Variants in KCNT2 observed in about 807,000 individuals in gnomAD.
The protein encoded by KCNT2 is potassium channel subfamily T member 2.
In KCNT2, 67 loss-of-function variants were observed where a neutral mutation model predicts 153.8. That is an observed-to-expected ratio of 0.44 (90% CI 0.36 to 0.53). The LOEUF (loss-of-function observed/expected upper bound fraction) is 0.53, where lower values mean the gene tolerates loss of function less well. Among genes scored for constraint, KCNT2 ranks in the 20% least tolerant of loss-of-function variants. The pLI is 0.00. For missense variants in KCNT2, 975 were observed against 1,354.8 expected, an observed-to-expected ratio of 0.72 and a Z score of 4.40; for synonymous variants, 500 against 458.8, an observed-to-expected ratio of 1.09 and a Z score of -1.15.
At chr1:196,290,354 T>G (rs1486718788) in intron 22 of KCNT2, among the ~76,000 whole-genome samples, 4 of 152,054 alleles carry the variant, frequency 2.6e-5, no homozygotes, top group Non-Finnish European at 4.4e-5. Context: ...GCTCATTTTC[T>G]CTGATTTGTC....
intron 1 of KCNT2, among the ~76,000 whole-genome samples, chr1:196,520,292 G>GA (rs1653182731): frequency 6.6e-6 from 1 of 151,876 alleles, no homozygotes; most frequent in African/African-American, 2.4e-5. Context: ...ACCAGGTATT[G>GA]AAAAACCATA....
At chr1:196,550,035 C>G (rs1435158314) in intron 1 of KCNT2, among the ~76,000 whole-genome samples, 6 of 151,848 alleles carry the variant, frequency 4.0e-5, no homozygotes. Flanking sequence ...TCTCTGGCCC[C>G]ATATCAGAAT....
At chr1:196,371,968 C>T (rs1362465702) in intron 14 of KCNT2, among the ~76,000 whole-genome samples, 1 of 152,004 alleles carries the variant, frequency 6.6e-6, no homozygotes, top group Non-Finnish European at 1.5e-5. Context: ...TTGATGAGTT[C>T]TATGAATGTT....
chr1:196,314,948 A>T (rs1289381720), intron 21 of KCNT2, among the ~76,000 whole-genome samples: 1 of 151,762 alleles, frequency 6.6e-6, no homozygotes, highest in Non-Finnish European at 1.5e-5. Flanking sequence ...ATATATTGAG[A>T]TGTAGAGAAG....
chr1:196,270,591 T>A (rs1657974155), intron 25 of KCNT2, among the ~76,000 whole-genome samples: 2 of 152,058 alleles, frequency 1.3e-5, no homozygotes, highest in Non-Finnish European at 2.9e-5. Context: ...ATACAGGCAG[T>A]CAAATTGTAT....
At chr1:196,273,729 T>C (rs1054852793) in intron 25 of KCNT2, among the ~76,000 whole-genome samples, 2 of 151,774 alleles carry the variant, frequency 1.3e-5, no homozygotes, top group Admixed American at 1.3e-4. Context: ...GTCTTCCCAT[T>C]GTAATAGTAG....
chr1:196,485,229 C>T (rs774917318), intron 3 of KCNT2, among the ~76,000 whole-genome samples: 60 of 151,826 alleles, frequency 4.0e-4, no homozygotes, highest in Non-Finnish European at 8.0e-4. Context: ...TCTCACTCAT[C>T]GGTAGACATT....
At chr1:196,292,122 G>A (rs116115166) in intron 22 of KCNT2, among the ~76,000 whole-genome samples, 17 of 152,172 alleles carry the variant, frequency 1.1e-4, no homozygotes, top group Non-Finnish European at 2.1e-4. Flanking sequence ...TTACTTTTAC[G>A]AATCAGGCAC....
At chr1:196,572,080 T>G (rs1018223166) in intron 1 of KCNT2, among the ~76,000 whole-genome samples, 38 of 152,128 alleles carry the variant, frequency 2.5e-4, no homozygotes, top group Admixed American at 7.2e-4. Context: ...GAAATGCTCA[T>G]GAGCACATGC....
intron 21 of KCNT2, among the ~76,000 whole-genome samples, chr1:196,312,525 C>T (rs896001116): frequency 1.3e-4 from 19 of 151,712 alleles, no homozygotes; most frequent in Admixed American, 3.3e-4. Flanking sequence ...ATTTACTTTT[C>T]GAAACACTTC....
intron 16 of KCNT2, among the ~76,000 whole-genome samples, chr1:196,336,423 C>A (rs919458497): frequency 6.6e-6 from 1 of 152,096 alleles, no homozygotes; most frequent in Admixed American, 6.6e-5. Flanking sequence ...CTTTTCTAAC[C>A]AAAATACATC....
chr1:196,422,456 A>C (rs1558270718), intron 12 of KCNT2, among the ~76,000 whole-genome samples: 1 of 151,916 alleles, frequency 6.6e-6, no homozygotes, highest in Non-Finnish European at 1.5e-5. Context: ...ATAAAATAAA[A>C]AATTTTAAAT....
intron 1 of KCNT2, among the ~76,000 whole-genome samples, chr1:196,578,203 A>T (rs1661597883): frequency 6.4e-5 from 1 of 15,590 alleles, no homozygotes; most frequent in Admixed American, 2.6e-3. Flanking sequence ...TTAGGAAAAA[A>T]AACAATCCCA....
At chr1:196,505,748 C>T (rs1279698273) in intron 1 of KCNT2, among the ~76,000 whole-genome samples, 1 of 151,926 alleles carries the variant, frequency 6.6e-6, no homozygotes, top group Non-Finnish European at 1.5e-5. Flanking sequence ...TTTGTATCCT[C>T]TTTTATTTCA....
intron 1 of KCNT2, among the ~76,000 whole-genome samples, chr1:196,570,987 T>C (rs1476015558): frequency 6.6e-6 from 1 of 152,066 alleles, no homozygotes; most frequent in Non-Finnish European, 1.5e-5. Flanking sequence ...CCTACCACAC[T>C]GTTCTAATAT....
chr1:196,415,508 A>G (rs1366176829), intron 12 of KCNT2, among the ~76,000 whole-genome samples: 2 of 150,902 alleles, frequency 1.3e-5, no homozygotes, highest in Non-Finnish European at 3.0e-5. Context: ...ACTCACCTAT[A>G]TATAAATATA....
At chr1:196,518,622 G>T (rs965285013) in intron 1 of KCNT2, among the ~76,000 whole-genome samples, 4 of 151,900 alleles carry the variant, frequency 2.6e-5, no homozygotes, top group Non-Finnish European at 4.4e-5. Flanking sequence ...AGCAGAGGTT[G>T]CAATGCTAAT....
chr1:196,543,929 A>G (rs1656717872), intron 1 of KCNT2, among the ~76,000 whole-genome samples: 1 of 138,416 alleles, frequency 7.2e-6, no homozygotes, highest in African/African-American at 2.7e-5. Context: ...ATTTACACAA[A>G]AAACCTGCAC....
intron 25 of KCNT2, among the ~76,000 whole-genome samples, chr1:196,276,184 C>G (rs1658551246): frequency 6.6e-6 from 1 of 151,930 alleles, no homozygotes; most frequent in African/African-American, 2.4e-5. Context: ...TTGCCCTCAT[C>G]ATCTCAAAAT....
Sources: gnomAD v4.1 joint callset for allele counts (sites outside exome capture counted in the v4.1 genomes callset) on GRCh38, gnomAD v4.1.1 for gene constraint, MANE v1.5 for transcripts, NCBI Gene and HGNC (gene_info 2026-07-23, HGNC 2026-07-21) for gene names.